The following PKD1L3 variants were observed in gnomAD, a reference collection of about 807,000 sequenced individuals.
PKD1L3 encodes polycystin 1 like 3, transient receptor potential channel interacting, also known as polycystin-1-like protein 3.
In PKD1L3, 239 loss-of-function variants were observed where a neutral mutation model predicts 184.1. The observed-to-expected ratio is 1.30, with a 90% CI of 1.17 to 1.45. PKD1L3 has a LOEUF of 1.45. Among genes scored for constraint, PKD1L3 ranks in the 40% most tolerant of loss-of-function variants. The probability of loss-of-function intolerance (pLI) is 0.00; values close to 1 mark genes in which losing one functional copy is unlikely to be tolerated. For synonymous variants in PKD1L3, 996 were observed against 778.8 expected (o/e 1.28, Z -4.64); for missense variants, 2,660 against 2,067.2 (o/e 1.29, Z -5.56).
At chr16:71,955,131 C>G (rs1034283469) in intron 16 of PKD1L3, among the ~76,000 whole-genome samples, 1 of 152,130 alleles carries the variant, frequency 6.6e-6, no homozygotes, top group African/African-American at 2.4e-5. Context: ...CCATTAATTT[C>G]ATTGAAAAAT....
chr16:71,945,615 T>C (rs557889101), intron 22 of PKD1L3, among the ~76,000 whole-genome samples: 1 of 151,064 alleles, frequency 6.6e-6, no homozygotes, highest in African/African-American at 2.4e-5. Context: ...GAGGCAGAGG[T>C]TGCAGTGAGC....
chr16:71,947,109 T>C (rs2038646979), intron 22 of PKD1L3, among the ~76,000 whole-genome samples: 1 of 151,764 alleles, frequency 6.6e-6, no homozygotes, highest in African/African-American at 2.4e-5. Context: ...TACAAAAAAA[T>C]TAGCCAGGCA....
chr16:71,984,825 C>T (rs573040994), intron 5 of PKD1L3, among the ~76,000 whole-genome samples: 3 of 152,324 alleles, frequency 2.0e-5, no homozygotes, highest in Admixed American at 6.5e-5. Context: ...CGCCACTGCA[C>T]TCCAGCCTGG....
At chr16:71,950,842 C>T (rs1030302940) in intron 19 of PKD1L3, among the ~76,000 whole-genome samples, 4 of 151,168 alleles carry the variant, frequency 2.6e-5, no homozygotes, top group African/African-American at 9.7e-5. Context: ...AAGTGATCCT[C>T]CTGCCTCAGC....
chr16:71,999,163 C>T (rs1024363251), intron 1 of PKD1L3, among the ~76,000 whole-genome samples: 4 of 150,524 alleles, frequency 2.7e-5, no homozygotes, highest in Non-Finnish European at 4.4e-5. Flanking sequence ...CCCAGCTACT[C>T]GGGAGGTTGA....
chr16:71,975,957 C>CCT (rs1555522935), intron 11 of PKD1L3, among the ~76,000 whole-genome samples: 4,515 of 24,224 alleles, frequency 0.19, 99 homozygotes, highest in Non-Finnish European at 0.27. Context: ...TGTTTCTGTT[C>CCT]TTTTTTTTTT....
intron 15 of PKD1L3, among the ~76,000 whole-genome samples, chr16:71,966,528 G>A (rs1187960110): frequency 2.6e-5 from 4 of 151,060 alleles, no homozygotes; most frequent in East Asian, 2.0e-4. Context: ...CGAGGCTCAA[G>A]TTATCCTCCC....
intron 3 of PKD1L3, among the ~76,000 whole-genome samples, chr16:71,991,506 G>T (rs1490554154): frequency 6.6e-6 from 1 of 152,180 alleles, no homozygotes; most frequent in Non-Finnish European, 1.5e-5. Flanking sequence ...AGGGAATACT[G>T]AGCAGATGTG....
At chr16:71,985,563 C>A (rs1023522102) in intron 5 of PKD1L3, among the ~76,000 whole-genome samples, 3 of 152,232 alleles carry the variant, frequency 2.0e-5, no homozygotes, top group Non-Finnish European at 4.4e-5. Flanking sequence ...CCCCAAGTAG[C>A]TGGGACTACA....
chr16:71,979,892 G>C lies in PKD1L3; in HGVS notation c.1292C>G (p.Pro431Arg). 1 of 1,549,596 alleles carries C rather than the reference G, an allele frequency of 6.5e-7. No individual in the cohort carries two copies. ...LLSRQNISTL[P>R]LSSYTLGHPA... Reference sequence around the variant, plus strand: ...GTGACCCAGAGTGTAAGAGCTCAGCGGTAAAGTTGATATGTTTTGTCTAAT... The same window carrying C: ...GTGACCCAGAGTGTAAGAGCTCAGCCGTAAAGTTGATATGTTTTGTCTAAT... Residue 431 changes from proline to arginine, a missense_variant, in exon 9 of 30, where the codon CCG (proline) becomes CGG (arginine). Coordinates refer to ENST00000620267, the MANE Select transcript of PKD1L3 (RefSeq NM_181536.2).
chr16:71,934,967 C>T (rs1328776436), intron 26 of PKD1L3, among the ~76,000 whole-genome samples: 1 of 152,224 alleles, frequency 6.6e-6, no homozygotes, highest in Non-Finnish European at 1.5e-5. Flanking sequence ...AGATGAACAT[C>T]CCTACCCAGA....
In PKD1L3 at chr16:71,999,902, G is replaced by A. The variant is rs72787027; in HGVS notation, c.77C>T (p.Pro26Leu). Residue 26 changes from proline to leucine, a missense_variant, in exon 1 of 30, where the codon CCA becomes CTA. Pro to Leu is a moderately conservative substitution (Grantham distance 98). Coordinates refer to ENST00000620267, the MANE Select transcript of PKD1L3 (RefSeq NM_181536.2). ...SIILGSELNSPAPHGQNNCYQ... is the reference protein window; with the variant it reads ...SIILGSELNSLAPHGQNNCYQ... ...ACAATTATTTTGCCCATGTGGTGCTGGGCTGTTTAGCTCACTTCCTAGAAT... is the reference window on the plus strand; with the variant it reads ...ACAATTATTTTGCCCATGTGGTGCTAGGCTGTTTAGCTCACTTCCTAGAAT... 1.3e-6 allele frequency: 2 copies of A among 1,551,524 alleles called. No homozygotes were observed. Among genetic ancestry groups the A allele is most frequent in the East Asian group, 4.9e-5 (2 of 40,916 alleles).
intron 6 of PKD1L3, 45 bp from the exon 7 acceptor site, chr16:71,982,280 T>TC: frequency 2.3e-6 from 1 of 430,960 alleles, no homozygotes; most frequent in Non-Finnish European, 3.2e-6. Flanking sequence ...ATTGTTTGCT[T>TC]TTTTTTTTTT....
chr16:71,954,913 T>C (rs1422349223), intron 16 of PKD1L3, among the ~76,000 whole-genome samples: 2 of 152,062 alleles, frequency 1.3e-5, no homozygotes, highest in Non-Finnish European at 2.9e-5. Context: ...AATGATTCAC[T>C]GGGTGCAGAA....
At chr16:71,964,052 C>T (rs1049017980) in intron 15 of PKD1L3, among the ~76,000 whole-genome samples, 1 of 152,148 alleles carries the variant, frequency 6.6e-6, no homozygotes, top group Non-Finnish European at 1.5e-5. Flanking sequence ...AGTCTCATCT[C>T]CGCTTCACAG....
chr16:71,994,816 T>A (rs548089961), intron 2 of PKD1L3, among the ~76,000 whole-genome samples: 2 of 152,042 alleles, frequency 1.3e-5, no homozygotes, highest in Non-Finnish European at 2.9e-5. Context: ...CTGGCCAGGA[T>A]GGTGAAACCG....
chr16:71,946,008 G>T (rs2038589667), intron 22 of PKD1L3, among the ~76,000 whole-genome samples: 1 of 152,138 alleles, frequency 6.6e-6, no homozygotes, highest in Non-Finnish European at 1.5e-5. Context: ...ACCCAGGCTG[G>T]AGTACGATGG....
In PKD1L3 at chr16:71,980,081, T is replaced by C. The variant is rs1411202676; in HGVS notation, c.1197A>G (p.Ala399=). 2.6e-6 allele frequency: 4 copies of C among 1,551,778 alleles called. No individual in the cohort carries two copies. The highest frequency in any genetic ancestry group is 1.2e-5 in the South Asian group (1 of 84,064). Reference sequence around the variant, plus strand: ...CGGGAGACTGGTTCTGCTCTAGAAATGCTTCCCCGATATTCCCAAACTCCA... The same window carrying C: ...CGGGAGACTGGTTCTGCTCTAGAAACGCTTCCCCGATATTCCCAAACTCCA... ...SLVEFGNIGE[A]FLEQNQSPES... The change falls in exon 8 of 30, where the codon GCA becomes GCG. Residue 399 remains alanine (A), a synonymous_variant. Transcript: ENST00000620267.
intron 11 of PKD1L3, among the ~76,000 whole-genome samples, chr16:71,974,253 G>A (rs1011785999): frequency 1.3e-5 from 2 of 152,144 alleles, no homozygotes; most frequent in South Asian, 2.1e-4. Flanking sequence ...GGCTGGTAGG[G>A]GCTAAGGTGA....
Sources: allele counts gnomAD v4.1 joint callset (sites outside exome capture counted in the v4.1 genomes callset), GRCh38; gene constraint gnomAD v4.1.1; transcripts MANE v1.5; gene names NCBI Gene and HGNC (gene_info 2026-07-23, HGNC 2026-07-21).